The following FBXL2 variants were observed in gnomAD, a reference collection of about 807,000 sequenced individuals.
FBXL2 encodes the protein F-box and leucine rich repeat protein 2.
Under a neutral mutation model 69.2 loss-of-function variants are expected in FBXL2, and 38 were observed. The ratio of observed to expected loss-of-function variants is 0.55; its 90% CI spans 0.42 to 0.72. The LOEUF (loss-of-function observed/expected upper bound fraction) is 0.72, where lower values mean the gene tolerates loss of function less well. Ranked by LOEUF, FBXL2 falls within the 30% of genes least tolerant of loss-of-function variation. The probability of loss-of-function intolerance (pLI) is 0.00; values close to 1 mark genes in which losing one functional copy is unlikely to be tolerated. For missense variants in FBXL2, 354 were observed against 520.3 expected (o/e 0.68, Z 3.11); for synonymous variants, 192 against 201.3 (o/e 0.95, Z 0.39).
At chr3:33,373,461 A>G (rs1013848125) in intron 7 of FBXL2, 106 bp downstream of exon 7, 21 of 1,535,990 alleles carry the variant, frequency 1.4e-5, no homozygotes, top group Middle Eastern at 1.7e-4. Context: ...GGTGACTCCA[A>G]GAGGTCCCAG....
At chr3:33,352,000 A>G (rs1376298664) in intron 2 of FBXL2, among the ~76,000 whole-genome samples, 1 of 152,028 alleles carries the variant, frequency 6.6e-6, no homozygotes, top group Non-Finnish European at 1.5e-5. Flanking sequence ...GGAGAAGCCA[A>G]AGACTGAGAA....
At chr3:33,355,836 A>G (rs571178896) in intron 2 of FBXL2, among the ~76,000 whole-genome samples, 20 of 152,310 alleles carry the variant, frequency 1.3e-4, no homozygotes, top group African/African-American at 4.3e-4. Flanking sequence ...CTCCGTTTCT[A>G]TTGACAGTAT....
At position 33,359,357 on chromosome 3, in the gene FBXL2, G is replaced by A. The variant is rs2041449064; in HGVS notation, c.195G>A (p.Glu65=). 1.2e-6 allele frequency: 2 copies of A among 1,609,444 alleles called. No individual in the cohort carries two copies. Among genetic ancestry groups the A allele is most frequent in the Non-Finnish European group, 1.7e-6 (2 of 1,176,912 alleles). ...TTTTTAACTTTCAAACAGATGTAGA[G>A]GTAAGTTAGCTTTGGTTTAGACAAA... ...IDLFNFQTDV[E]GRVVENISKR... The change falls in exon 4 of 15, where the codon GAG becomes GAA. Residue 65 remains glutamate (E), a splice_region_variant and synonymous_variant. Transcript: ENST00000484457.
intron 14 of FBXL2, among the ~76,000 whole-genome samples, chr3:33,384,783 C>T (rs796167063): frequency 6.6e-6 from 1 of 152,078 alleles, no homozygotes; most frequent in Non-Finnish European, 1.5e-5. Context: ...GCTCACGACT[C>T]TAATCCCAGC....
At chr3:33,313,868 T>C (rs1003400233) in intron 2 of FBXL2, among the ~76,000 whole-genome samples, 5 of 152,234 alleles carry the variant, frequency 3.3e-5, no homozygotes, top group Admixed American at 3.3e-4. Context: ...AACAATATTC[T>C]CTGAGTTTTT....
intron 11 of FBXL2, 80 bp from the exon 12 acceptor site, chr3:33,378,023 A>G (rs780148530): frequency 1.1e-5 from 15 of 1,343,048 alleles, no homozygotes; most frequent in African/African-American, 2.9e-5. Context: ...CTGGGCCAAT[A>G]CTCAGAGGGA....
At chr3:33,293,963 AT>A (rs1357792604) in intron 1 of FBXL2, among the ~76,000 whole-genome samples, 2 of 152,254 alleles carry the variant, frequency 1.3e-5, no homozygotes, top group African/African-American at 4.8e-5. Flanking sequence ...GGACAGACAT[AT>A]GTAAGACCAC....
intron 2 of FBXL2, among the ~76,000 whole-genome samples, chr3:33,339,118 G>A (rs2039817066): frequency 6.6e-6 from 1 of 152,098 alleles, no homozygotes; most frequent in Non-Finnish European, 1.5e-5. Flanking sequence ...AGTGGGCAAA[G>A]GACATGAACA....
intron 2 of FBXL2, among the ~76,000 whole-genome samples, chr3:33,339,535 A>T (rs2039855087): frequency 6.6e-6 from 1 of 152,302 alleles, no homozygotes; most frequent in South Asian, 2.1e-4. Flanking sequence ...AACAGGAGAC[A>T]TGGAGGCCTT....
At chr3:33,300,091 G>A (rs1384321061) in intron 2 of FBXL2, among the ~76,000 whole-genome samples, 1 of 152,104 alleles carries the variant, frequency 6.6e-6, no homozygotes, top group Non-Finnish European at 1.5e-5. Flanking sequence ...GGAATCATAA[G>A]CAGCTTCAGG....
chr3:33,346,168 G>T (rs575201368), intron 2 of FBXL2, among the ~76,000 whole-genome samples: 2 of 152,284 alleles, frequency 1.3e-5, no homozygotes, highest in East Asian at 1.9e-4. Flanking sequence ...GAAGGTTGCA[G>T]TAAGCTGAGA....
intron 1 of FBXL2, among the ~76,000 whole-genome samples, 188 bp from the exon 2 acceptor site, chr3:33,297,476 A>G (rs2125714844): frequency 6.6e-6 from 1 of 152,252 alleles, no homozygotes; most frequent in East Asian, 1.9e-4. Flanking sequence ...ATTTTTATGA[A>G]ACAGTGATAG....
At chr3:33,297,917 T>C in intron 2 of FBXL2, 192 bp downstream of exon 2, 1 of 637,012 alleles carries the variant, frequency 1.6e-6, no homozygotes, top group Admixed American at 2.2e-5. Context: ...ATCCAGAATG[T>C]ACTAAGTATG....
intron 12 of FBXL2, chr3:33,396,383 A>T: frequency 2.4e-6 from 2 of 847,922 alleles, no homozygotes; most frequent in Non-Finnish European, 3.6e-6. Flanking sequence ...CCTTATGAGA[A>T]CTTTATAATG....
intron 5 of FBXL2, among the ~76,000 whole-genome samples, chr3:33,368,409 A>T (rs2042087175): frequency 6.6e-6 from 1 of 152,118 alleles, no homozygotes; most frequent in Non-Finnish European, 1.5e-5. Flanking sequence ...TAGAATTGCT[A>T]TGTCTTTTTC....
intron 1 of FBXL2, among the ~76,000 whole-genome samples, chr3:33,291,597 A>G (rs1478261396): frequency 6.6e-6 from 1 of 152,216 alleles, no homozygotes; most frequent in African/African-American, 2.4e-5. Flanking sequence ...CAGTAAGTGC[A>G]CAACAAGCAG....
chr3:33,395,263 AG>A (rs1177420484), intron 12 of FBXL2, among the ~76,000 whole-genome samples: 3 of 152,144 alleles, frequency 2.0e-5, no homozygotes, highest in Non-Finnish European at 2.9e-5. Context: ...TCAAACCACA[AG>A]ACATTTTTCA....
At chr3:33,277,278 G>C, upstream of FBXL2, 1 of 395,318 alleles carries the variant, frequency 2.5e-6, no homozygotes, top group South Asian at 1.4e-4. Flanking sequence ...AGACTGAGAG[G>C]ATGGACCAGA....
At chr3:33,314,868 G>A (rs1305523368) in intron 2 of FBXL2, among the ~76,000 whole-genome samples, 1 of 152,050 alleles carries the variant, frequency 6.6e-6, no homozygotes, top group Admixed American at 6.6e-5. Context: ...AATTTTCCTT[G>A]AAGTGACATA....
Sources: gnomAD v4.1 joint callset for allele counts (sites outside exome capture counted in the v4.1 genomes callset) on GRCh38, gnomAD v4.1.1 for gene constraint, MANE v1.5 for transcripts, NCBI Gene and HGNC (gene_info 2026-07-23, HGNC 2026-07-21) for gene names.